Variants in NCOA3 observed in about 807,000 individuals in gnomAD.
NCOA3 encodes CBP-interacting protein.
Under a neutral mutation model 158.8 loss-of-function variants are expected in NCOA3, and 51 were observed. The observed-to-expected ratio is 0.32, with a 90% confidence interval of 0.26 to 0.41. The LOEUF is 0.41. Ranked by LOEUF, NCOA3 falls within the 10% of genes least tolerant of loss-of-function variation. The pLI, the probability that NCOA3 is intolerant of heterozygous loss-of-function variation, is 1.00. For synonymous variants in NCOA3, 537 were observed against 592.4 expected (o/e 0.91, Z 1.36); for missense variants, 1,510 against 1,746.6 (o/e 0.86, Z 2.41).
chr20:47,525,360 G>A (rs1455871775), intron 1 of NCOA3, among the ~76,000 whole-genome samples: 9 of 150,006 alleles, frequency 6.0e-5, no homozygotes, highest in East Asian at 2.0e-4. Flanking sequence ...GCAACCATCC[G>A]ATTTCTCAAT....
At chr20:47,545,317 C>T (rs2084811127) in intron 1 of NCOA3, among the ~76,000 whole-genome samples, 1 of 151,554 alleles carries the variant, frequency 6.6e-6, no homozygotes, top group Non-Finnish European at 1.5e-5. Context: ...GCTGGAACTA[C>T]AGGCATGTAC....
intron 2 of NCOA3, among the ~76,000 whole-genome samples, chr20:47,596,189 A>C (rs1437042267): frequency 1.3e-5 from 2 of 152,188 alleles, no homozygotes; most frequent in African/African-American, 4.8e-5. Flanking sequence ...TTGAGTTAAT[A>C]ATTAACTTCA....
chr20:47,586,962 CT>C (rs2085545488), intron 2 of NCOA3, among the ~76,000 whole-genome samples: 1 of 152,114 alleles, frequency 6.6e-6, no homozygotes, highest in Non-Finnish European at 1.5e-5. Context: ...TTTTTTTGCC[CT>C]CTCTTTTGCC....
chr20:47,583,094 G>A (rs1320500109), intron 1 of NCOA3, 89 bp from the exon 2 acceptor site: 1 of 397,284 alleles, frequency 2.5e-6, no homozygotes, highest in Non-Finnish European at 4.4e-6. Flanking sequence ...ACGCCCGGCT[G>A]GAAGACTTAA....
chr20:47,550,103 G>A (rs2084905274), intron 1 of NCOA3, among the ~76,000 whole-genome samples: 1 of 151,648 alleles, frequency 6.6e-6, no homozygotes, highest in Non-Finnish European at 1.5e-5. Flanking sequence ...AAAGAAGTAA[G>A]AAGTCTCCCG....
chr20:47,588,158 T>TTTTTGG (rs2085567106), intron 2 of NCOA3, among the ~76,000 whole-genome samples: 1 of 130,136 alleles, frequency 7.7e-6, no homozygotes, highest in Non-Finnish European at 1.6e-5. Flanking sequence ...TTTTTTTTTT[T>TTTTTGG]GAGGCAGTCT....
intron 1 of NCOA3, among the ~76,000 whole-genome samples, chr20:47,564,084 T>C (rs3091792): frequency 0.57 from 85,878 of 150,904 alleles, 24,867 homozygotes; most frequent in Middle Eastern, 0.7. Flanking sequence ...TGCTTGAGTC[T>C]GCCTGAGGGT....
rs545762566 is a variant in NCOA3 at position 47,637,520 on chromosome 20, T to C, written c.2377-128T>C. ...ATAATAAACTGGCCTTTCAGGTGGGTATTATCATTGTAGGTAGTTTTTGTA... is the reference window on the plus strand; with the variant it reads ...ATAATAAACTGGCCTTTCAGGTGGGCATTATCATTGTAGGTAGTTTTTGTA... On this transcript the variant is annotated intron_variant, in intron 12 of 22. Transcript: ENST00000371998. 1.6e-5 allele frequency: 10 copies of C among 640,498 alleles called. No homozygotes were observed. In the South Asian group the frequency reaches 3.9e-4, roughly 25 times the overall value. The allele number at this position is 640,498 out of a possible 1,614,324, so 39.7% of individuals were successfully genotyped here.
At chr20:47,537,451 A>C in intron 1 of NCOA3, among the ~76,000 whole-genome samples, 1 of 150,684 alleles carries the variant, frequency 6.6e-6, no homozygotes. Flanking sequence ...GGGGGGGGGA[A>C]GTGTTGGGAA....
chr20:47,622,548 C>T (rs758852853), intron 3 of NCOA3, among the ~76,000 whole-genome samples: 4 of 151,878 alleles, frequency 2.6e-5, no homozygotes, highest in Admixed American at 2.6e-4. Flanking sequence ...TAACAATTCG[C>T]GGTACTATAA....
chr20:47,583,241 A>G lies in NCOA3; in HGVS notation c.-40A>G. Reference sequence around the variant, plus strand: ...ACCAATAAAAATAAACTGCTTGAACATCCTTTGACTGGTTAGCCAGGTAAT... The same window carrying G: ...ACCAATAAAAATAAACTGCTTGAACGTCCTTTGACTGGTTAGCCAGGTAAT... On this transcript the variant is annotated 5_prime_UTR_variant, in exon 2 of 23. Transcript: ENST00000371998. 2.5e-6 allele frequency: 1 copy of G among 398,666 alleles called. No individual in the cohort carries two copies. The highest frequency in any genetic ancestry group is 4.4e-6 in the Non-Finnish European group (1 of 226,064). 24.7% of individuals were successfully genotyped at this position (398,666 alleles called of 1,614,324 possible). A position where few individuals can be genotyped will look rare whatever the true frequency, so the allele number is the denominator to read the frequency against.
chr20:47,577,043 C>A (rs2085383155), intron 1 of NCOA3, among the ~76,000 whole-genome samples: 1 of 152,138 alleles, frequency 6.6e-6, no homozygotes, highest in South Asian at 2.1e-4. Context: ...AATCTGCCAA[C>A]CAGATTTTTA....
Position 47,636,371 on chromosome 20 carries a change from C to G in NCOA3, c.1985C>G (p.Ser662Cys). The change falls in exon 12 of 23, where the codon TCT becomes TGT. Residue 662 changes from serine (S) to cysteine (C), a missense_variant. Coordinates refer to ENST00000371998, the MANE Select transcript of NCOA3 (RefSeq NM_181659.3). ...ACCAGCCCCTCTGGAGTCTCCTCCTCTACATCTGGAGGAGTATCCTCTACA... is the reference window on the plus strand; with the variant it reads ...ACCAGCCCCTCTGGAGTCTCCTCCTGTACATCTGGAGGAGTATCCTCTACA... ...SVTSPSGVSS[S>C]TSGGVSSTSN... is the part of the protein sequence containing the mutation. The G allele has an allele frequency of 6.2e-7, 1 of 1,614,158 alleles. No individual in the cohort carries two copies. The highest frequency in any genetic ancestry group is 1.1e-5 in the South Asian group (1 of 91,076).
intron 1 of NCOA3, among the ~76,000 whole-genome samples, chr20:47,526,989 T>C (rs996591371): frequency 6.6e-6 from 1 of 152,208 alleles, no homozygotes; most frequent in African/African-American, 2.4e-5. Flanking sequence ...GGATTTTAGA[T>C]TTCAATTTGA....
At chr20:47,653,157 C>G (rs2146352819) in intron 22 of NCOA3, 85 bp downstream of exon 22, 1 of 1,466,834 alleles carries the variant, frequency 6.8e-7, no homozygotes, top group Middle Eastern at 2.3e-4. Context: ...TCAGAATGTC[C>G]TAGGTATATT....
Position 47,583,226 on chromosome 20 carries a change from A to G in NCOA3, c.-55A>G, listed in dbSNP as rs2085482077. Reference sequence around the variant, plus strand: ...ATGGTGGACTCAGAGACCAATAAAAATAAACTGCTTGAACATCCTTTGACT... The same window carrying G: ...ATGGTGGACTCAGAGACCAATAAAAGTAAACTGCTTGAACATCCTTTGACT... On this transcript the variant is annotated 5_prime_UTR_variant, in exon 2 of 23. Transcript: ENST00000371998. The G allele has an allele frequency of 2.5e-6, 1 of 398,558 alleles. No homozygotes were observed. 24.7% of individuals were successfully genotyped at this position (398,558 alleles called of 1,614,324 possible).
intron 1 of NCOA3, among the ~76,000 whole-genome samples, chr20:47,557,210 G>A (rs1455764204): frequency 6.6e-6 from 1 of 151,682 alleles, no homozygotes; most frequent in African/African-American, 2.4e-5. Flanking sequence ...TTTCAAAATT[G>A]CTTTTCAGAA....
At chr20:47,533,283 T>TC (rs1330780749) in intron 1 of NCOA3, among the ~76,000 whole-genome samples, 1 of 50,680 alleles carries the variant, frequency 2.0e-5, no homozygotes, top group African/African-American at 9.1e-5. Context: ...AGGTTCCGTC[T>TC]CAAAAAAAAA....
At chr20:47,511,987 A>G (rs1036934992) in intron 1 of NCOA3, among the ~76,000 whole-genome samples, 10 of 152,092 alleles carry the variant, frequency 6.6e-5, no homozygotes, top group African/African-American at 2.4e-4. Context: ...GCATGTAACA[A>G]AATTACACTT....
Sources: allele counts gnomAD v4.1 joint callset (sites outside exome capture counted in the v4.1 genomes callset), GRCh38; gene constraint gnomAD v4.1.1; transcripts MANE v1.5; gene names NCBI Gene and HGNC (gene_info 2026-07-23, HGNC 2026-07-21).